The following MID1 variants were observed in gnomAD, a reference collection of about 807,000 sequenced individuals.
MID1 encodes E3 ubiquitin-protein ligase Midline-1.
A neutral mutation model predicts 40.4 loss-of-function variants in MID1; 7 were observed. The observed-to-expected ratio is 0.17, with a 90% CI of 0.10 to 0.33. MID1 has a LOEUF of 0.33. MID1 is among the 10% of genes least tolerant of loss of function. MID1 has a pLI of 1.00. For synonymous variants in MID1, 229 were observed against 221.2 expected, an observed-to-expected ratio of 1.04 and a Z score of -0.31; for missense variants, 367 against 558.5, an observed-to-expected ratio of 0.66 and a Z score of 3.46.
intron 1 of MID1, among the ~76,000 whole-genome samples, chrX:10,794,554 TCA>T (rs1319704749): frequency 8.9e-6 from 1 of 112,014 alleles, no homozygotes; most frequent in Non-Finnish European, 1.9e-5. Context: ...ACCCTATAAA[TCA>T]CAAAGTGTGA....
intron 1 of MID1, among the ~76,000 whole-genome samples, chrX:10,591,378 C>T (rs939638076): frequency 3.6e-5 from 4 of 112,402 alleles, no homozygotes; most frequent in African/African-American, 1.3e-4. Context: ...GGCATAGTTC[C>T]GAACAATTCT....
At chrX:10,466,859 G>T (rs1929413685) in intron 7 of MID1, among the ~76,000 whole-genome samples, 1 of 111,858 alleles carries the variant, frequency 8.9e-6, no homozygotes, top group Non-Finnish European at 1.9e-5. Context: ...CATACAGCTG[G>T]AAAAATGCAT....
chrX:10,573,802 G>A (rs769283980), intron 1 of MID1, among the ~76,000 whole-genome samples: 1 of 111,895 alleles, frequency 8.9e-6, no homozygotes, highest in Non-Finnish European at 1.9e-5. Flanking sequence ...CAAGATGGTC[G>A]AGAACCCCTT....
intron 1 of MID1, among the ~76,000 whole-genome samples, chrX:10,659,003 T>G (rs926596049): frequency 8.9e-6 from 1 of 112,106 alleles, no homozygotes; most frequent in Non-Finnish European, 1.9e-5. Flanking sequence ...AGTGCTCACC[T>G]TTCATCACTC....
chrX:10,738,928 A>C (rs1178619341), intron 1 of MID1, among the ~76,000 whole-genome samples: 1 of 105,981 alleles, frequency 9.4e-6, no homozygotes, highest in Non-Finnish European at 1.9e-5. Context: ...TCCTCACAGC[A>C]TAGCAATTTT....
chrX:10,745,979 A>C (rs1432618542), intron 1 of MID1, among the ~76,000 whole-genome samples: 1 of 112,420 alleles, frequency 8.9e-6, no homozygotes, highest in Non-Finnish European at 1.9e-5. Context: ...AAACAGACCC[A>C]GAGACGAGAA....
intron 1 of MID1, among the ~76,000 whole-genome samples, chrX:10,594,843 T>C (rs370514170): frequency 8.9e-6 from 1 of 111,981 alleles, no homozygotes; most frequent in Non-Finnish European, 1.9e-5. Flanking sequence ...GGTGACTTAA[T>C]GGAAATAATA....
chrX:10,829,917 A>G (rs2044242450), intron 1 of MID1, among the ~76,000 whole-genome samples: 1 of 112,043 alleles, frequency 8.9e-6, no homozygotes, highest in Admixed American at 9.5e-5. Flanking sequence ...GCCATTATAA[A>G]AGCTCTCAAG....
At chrX:10,569,940 C>A (rs1016382634) in intron 1 of MID1, among the ~76,000 whole-genome samples, 1 of 111,986 alleles carries the variant, frequency 8.9e-6, no homozygotes, top group African/African-American at 3.2e-5. Flanking sequence ...TAAGACCTTT[C>A]TAAATGGTCT....
At chrX:10,457,284 G>A (rs1175565759) in intron 8 of MID1, among the ~76,000 whole-genome samples, 1 of 111,244 alleles carries the variant, frequency 9.0e-6, no homozygotes, top group Non-Finnish European at 1.9e-5. Context: ...CATCCTGCCT[G>A]CCTTGGCTCA....
intron 1 of MID1, among the ~76,000 whole-genome samples, chrX:10,612,613 C>CA (rs893863195): frequency 8.9e-6 from 1 of 112,288 alleles, no homozygotes; most frequent in Admixed American, 9.4e-5. Flanking sequence ...GCACAAAACC[C>CA]AAATATAAGA....
chrX:10,580,223 GCTT>G (rs757516856), intron 1 of MID1, among the ~76,000 whole-genome samples: 118 of 82,078 alleles, frequency 1.4e-3, no homozygotes, highest in African/African-American at 5.9e-3. Flanking sequence ...CCAGTGATCT[GCTT>G]CTGGAAATTT....
intron 1 of MID1, among the ~76,000 whole-genome samples, chrX:10,714,782 C>G (rs1007571556): frequency 9.0e-6 from 1 of 111,043 alleles, no homozygotes; most frequent in Non-Finnish European, 1.9e-5. Flanking sequence ...ATCCAAGGAG[C>G]CTGCCAAAAT....
chrX:10,695,547 T>C (rs2043157773), intron 1 of MID1, among the ~76,000 whole-genome samples: 1 of 112,250 alleles, frequency 8.9e-6, no homozygotes, highest in Admixed American at 9.4e-5. Flanking sequence ...CCTAGCCCCC[T>C]GCCCACCAAA....
At position 10,446,081 on chromosome X, in the gene MID1, C is replaced by T. The variant is rs1023394512; in HGVS notation, c.*3287G>A. ...CTACGCACTAGATGCTGGTAGCTTC[C>T]CTTCCCCGGCTGCGACAACCAAAAG... is the stretch of plus-strand genomic sequence containing the variant. On this transcript the variant is annotated 3_prime_UTR_variant, in exon 10 of 10. Coordinates refer to ENST00000317552, the MANE Select transcript of MID1 (RefSeq NM_000381.4). The T allele has an allele frequency of 4.5e-5, 5 of 111,467 alleles. No individual in the cohort carries two copies. The highest frequency in any genetic ancestry group is 7.5e-5 in the Non-Finnish European group (4 of 53,121). 9.2% of individuals were successfully genotyped at this position (111,467 alleles called of 1,213,427 possible).
In MID1 at chrX:10,523,146, G is replaced by C. The variant is rs1405782698; in HGVS notation, c.702C>G (p.Asn234Lys). Residue 234 changes from asparagine to lysine, a missense_variant, in exon 3 of 10, where the codon AAC (asparagine) becomes AAG (lysine). Asn to Lys is a moderately conservative substitution (Grantham distance 94). Coordinates refer to ENST00000317552, the MANE Select transcript of MID1 (RefSeq NM_000381.4). ...ESNLTNLIKR[N>K]TELETLLAKL... ...TAGCCAAAAGGGTCTCCAGTTCTGT[G>C]TTCCTCTTAATAAGGTTGGTGAGGT... 8 of 1,187,856 alleles carry C rather than the reference G, an allele frequency of 6.7e-6. No homozygotes were observed. The Admixed American group carries it at 1.8e-4, about 27-fold the overall frequency.
At chrX:10,618,273 G>A (rs1041103042) in intron 1 of MID1, among the ~76,000 whole-genome samples, 1 of 112,189 alleles carries the variant, frequency 8.9e-6, no homozygotes, top group African/African-American at 3.2e-5. Context: ...GGGCTGAGAT[G>A]ACAAATTGGC....
In MID1 at chrX:10,482,492, T is replaced by C. The variant is rs1205263035; in HGVS notation, c.1001A>G (p.Asn334Ser). The change falls in exon 5 of 10, where the codon AAT (asparagine) becomes AGT (serine). Residue 334 changes from asparagine (N) to serine (S), a missense_variant. This residue lies in a region of MID1 where 275 missense variants were observed against 383.1 expected (regional missense o/e 0.72). Transcript: ENST00000317552. ...CCCCTGCACTCACCTCTCGGTGATA[T>C]TCTTAGCAGTCTGTAGGAAACGCGC... is the stretch of plus-strand genomic sequence containing the variant. ...DHARFLQTAKNITERVSMATA... is the reference protein window; with the variant it reads ...DHARFLQTAKSITERVSMATA... 4 of 1,209,170 alleles carry C rather than the reference T, an allele frequency of 3.3e-6. No homozygotes were observed. The highest frequency in any genetic ancestry group is 1.7e-5 in the African/African-American group (1 of 57,231).
chrX:10,827,053 G>A (rs2044220874), intron 1 of MID1, among the ~76,000 whole-genome samples: 1 of 111,401 alleles, frequency 9.0e-6, no homozygotes, highest in Non-Finnish European at 1.9e-5. Context: ...AACTACAAAT[G>A]TTGTTCTCCC....
Sources: gnomAD v4.1 joint callset for allele counts (sites outside exome capture counted in the v4.1 genomes callset) on GRCh38, gnomAD v4.1.1 for gene constraint, gnomAD v4.1.1 regional missense constraint, MANE v1.5 for transcripts, NCBI Gene and HGNC (gene_info 2026-07-23, HGNC 2026-07-21) for gene names.